The following NEGR1 variants were observed in gnomAD, a reference collection of about 807,000 sequenced individuals.
NEGR1 encodes neuronal growth regulator 1.
NEGR1 carries 10 observed loss-of-function variants against 40.9 expected under a neutral mutation model. That is an observed-to-expected ratio of 0.24 (90% CI 0.15 to 0.42). The LOEUF is 0.42. Ranked by LOEUF, NEGR1 falls within the 10% of genes least tolerant of loss-of-function variation. NEGR1 has a pLI of 1.00. For synonymous variants in NEGR1, 185 were observed against 166.8 expected (o/e 1.11, Z -0.84); for missense variants, 352 against 438.9 (o/e 0.80, Z 1.77).
chr1:71,669,065 T>C (rs1273276463), intron 4 of NEGR1, among the ~76,000 whole-genome samples: 2 of 152,218 alleles, frequency 1.3e-5, no homozygotes, highest in East Asian at 1.9e-4. Context: ...TGCAATGTTG[T>C]GTAATTGAGT....
intron 1 of NEGR1, among the ~76,000 whole-genome samples, chr1:72,096,239 T>C (rs1648691960): frequency 1.3e-5 from 2 of 152,328 alleles, no homozygotes; most frequent in South Asian, 4.1e-4. Context: ...AGGAAAATGC[T>C]TCATTTATTC....
chr1:72,251,203 T>C (rs923923657), intron 1 of NEGR1, among the ~76,000 whole-genome samples: 1 of 152,250 alleles, frequency 6.6e-6, no homozygotes, highest in African/African-American at 2.4e-5. Context: ...CTTTCTAGGC[T>C]GTAGTGCACC....
chr1:71,821,775 TAG>T (rs1316005250), intron 2 of NEGR1, among the ~76,000 whole-genome samples: 2 of 151,998 alleles, frequency 1.3e-5, no homozygotes, highest in Non-Finnish European at 2.9e-5. Context: ...TATGTCCTGG[TAG>T]AGACAGAGCA....
At chr1:71,804,404 AC>A (rs1166908593) in intron 2 of NEGR1, among the ~76,000 whole-genome samples, 1 of 152,116 alleles carries the variant, frequency 6.6e-6, no homozygotes, top group African/African-American at 2.4e-5. Flanking sequence ...GTAAGTACAG[AC>A]TGCATACGTA....
chr1:71,526,310 A>G (rs1647215384), intron 6 of NEGR1, among the ~76,000 whole-genome samples: 1 of 151,622 alleles, frequency 6.6e-6, no homozygotes, highest in Non-Finnish European at 1.5e-5. Context: ...TACAAACCTT[A>G]AAATAAGCTT....
At chr1:71,925,924 T>TA (rs1227594223) in intron 2 of NEGR1, among the ~76,000 whole-genome samples, 3 of 152,096 alleles carry the variant, frequency 2.0e-5, no homozygotes, top group African/African-American at 7.3e-5. Flanking sequence ...TGACATGTAT[T>TA]ACTTACACAG....
At chr1:71,666,988 G>GTATT (rs1336124415) in intron 4 of NEGR1, among the ~76,000 whole-genome samples, 1 of 151,922 alleles carries the variant, frequency 6.6e-6, no homozygotes, top group Non-Finnish European at 1.5e-5. Context: ...ATTTTGTCTG[G>GTATT]TATTAACATT....
chr1:72,018,559 C>T (rs1055365593), intron 1 of NEGR1, among the ~76,000 whole-genome samples: 1 of 151,964 alleles, frequency 6.6e-6, no homozygotes, highest in African/African-American at 2.4e-5. Context: ...GTAATTCTGC[C>T]GGGACACCAG....
intron 4 of NEGR1, among the ~76,000 whole-genome samples, chr1:71,675,254 G>A (rs1212607825): frequency 6.7e-6 from 1 of 150,338 alleles, no homozygotes; most frequent in African/African-American, 2.4e-5. Flanking sequence ...TTTGAACTCA[G>A]GTCTGGTCTG....
At chr1:71,426,456 A>G (rs1003542293) in intron 6 of NEGR1, among the ~76,000 whole-genome samples, 6 of 152,236 alleles carry the variant, frequency 3.9e-5, no homozygotes, top group Non-Finnish European at 8.8e-5. Flanking sequence ...TTATGTTAAA[A>G]GTCACGATGA....
intron 1 of NEGR1, among the ~76,000 whole-genome samples, chr1:72,084,891 A>G (rs1648151037): frequency 1.3e-5 from 2 of 152,228 alleles, no homozygotes; most frequent in Admixed American, 1.3e-4. Flanking sequence ...AATGCAGCAC[A>G]TTGGAATGAT....
intron 1 of NEGR1, among the ~76,000 whole-genome samples, chr1:72,198,530 T>A (rs948131755): frequency 1.3e-5 from 2 of 152,068 alleles, no homozygotes; most frequent in African/African-American, 4.8e-5. Flanking sequence ...CAACTGTTAT[T>A]TAGTTGTTTT....
intron 1 of NEGR1, among the ~76,000 whole-genome samples, chr1:71,958,369 A>G (rs951485621): frequency 6.6e-6 from 1 of 152,198 alleles, no homozygotes; most frequent in Admixed American, 6.5e-5. Context: ...TTTGCTATTT[A>G]AGCCTAATTT....
intron 1 of NEGR1, among the ~76,000 whole-genome samples, chr1:72,007,154 A>G (rs1307603826): frequency 6.6e-6 from 1 of 152,088 alleles, no homozygotes; most frequent in Non-Finnish European, 1.5e-5. Flanking sequence ...TCATTTAAAT[A>G]CCTGGGTTCT....
intron 3 of NEGR1, among the ~76,000 whole-genome samples, 198 bp from the exon 4 acceptor site, chr1:71,698,337 A>G (rs1653557126): frequency 6.6e-6 from 1 of 151,874 alleles, no homozygotes; most frequent in East Asian, 1.9e-4. Context: ...GTATATTATA[A>G]CAACTATTTC....
intron 1 of NEGR1, among the ~76,000 whole-genome samples, chr1:72,008,332 A>C (rs1646627189): frequency 1.3e-5 from 2 of 152,154 alleles, no homozygotes; most frequent in African/African-American, 4.8e-5. Flanking sequence ...TCCATCATTA[A>C]AAAGAAAGGT....
intron 2 of NEGR1, among the ~76,000 whole-genome samples, chr1:71,793,338 C>A (rs1031329272): frequency 5.7e-5 from 2 of 35,320 alleles, no homozygotes; most frequent in African/African-American, 2.6e-4. Context: ...CTTGAACTCC[C>A]GACCTTGTGA....
chr1:71,531,912 G>T (rs893757001), intron 6 of NEGR1, among the ~76,000 whole-genome samples: 1 of 149,922 alleles, frequency 6.7e-6, no homozygotes, highest in Non-Finnish European at 1.5e-5. Flanking sequence ...ATTTGAGATA[G>T]AATTTTTTTT....
chr1:72,033,718 T>A (rs1170663758), intron 1 of NEGR1, among the ~76,000 whole-genome samples: 2 of 152,190 alleles, frequency 1.3e-5, no homozygotes, highest in African/African-American at 2.4e-5. Flanking sequence ...AGGACCTGCA[T>A]GTTTAGACTG....
Sources: allele counts gnomAD v4.1 joint callset (sites outside exome capture counted in the v4.1 genomes callset), GRCh38; gene constraint gnomAD v4.1.1; transcripts MANE v1.5; gene names NCBI Gene and HGNC (gene_info 2026-07-23, HGNC 2026-07-21).